GPC6: variants seen among roughly 807,000 people sequenced by gnomAD.
GPC6 encodes glypican-6.
Under a neutral mutation model 55.2 loss-of-function variants are expected in GPC6, and 14 were observed. The observed-to-expected ratio is 0.25, with a 90% CI of 0.17 to 0.40. The LOEUF (loss-of-function observed/expected upper bound fraction) is 0.40. GPC6 is among the 10% of genes least tolerant of loss of function. GPC6 has a pLI of 1.00. For synonymous variants in GPC6, 278 were observed against 259.6 expected (o/e 1.07, Z -0.68); for missense variants, 641 against 708.5 (o/e 0.90, Z 1.08).
At chr13:94,317,851 G>C (rs962422049) in intron 6 of GPC6, among the ~76,000 whole-genome samples, 6 of 152,074 alleles carry the variant, frequency 3.9e-5, no homozygotes, top group Admixed American at 2.6e-4. Flanking sequence ...GTGAGTGTGA[G>C]AGTGTGTGTG....
intron 4 of GPC6, among the ~76,000 whole-genome samples, chr13:94,089,052 T>G (rs1214655727): frequency 1.3e-5 from 2 of 152,126 alleles, no homozygotes; most frequent in Non-Finnish European, 2.9e-5. Context: ...CTTGAGTACT[T>G]AATAAAGGAC....
rs1414023176 is a variant in GPC6 at position 93,788,767 on chromosome 13, T to C, written c.320-41387T>C. On this transcript the variant is annotated intron_variant, in intron 2 of 8. Coordinates refer to ENST00000377047, the MANE Select transcript of GPC6 (RefSeq NM_005708.5). ...ATCCAGAAGGGTTTTGTGTACTGTG[T>C]TAGACAGGCTATATTAAGCCAAGAG... 2.6e-5 allele frequency among the ~76,000 whole-genome samples: 4 copies of C among 152,022 alleles called. No individual in the cohort carries two copies. In the East Asian group the frequency reaches 7.7e-4, roughly 29 times the overall value.
intron 7 of GPC6, among the ~76,000 whole-genome samples, chr13:94,391,027 T>C (rs1880620800): frequency 6.6e-6 from 1 of 152,198 alleles, no homozygotes; most frequent in South Asian, 2.1e-4. Context: ...GCAGGTCTAC[T>C]AAGAAAGAAT....
chr13:93,374,185 C>T (rs1011146253), intron 1 of GPC6, among the ~76,000 whole-genome samples: 6 of 152,090 alleles, frequency 3.9e-5, no homozygotes, highest in Non-Finnish European at 7.4e-5. Context: ...CACACAGAAT[C>T]GGGGACTTCT....
chr13:94,103,528 C>T (rs1271594484), intron 4 of GPC6, among the ~76,000 whole-genome samples: 9 of 152,172 alleles, frequency 5.9e-5, no homozygotes, highest in Non-Finnish European at 1.3e-4. Flanking sequence ...TCCTATTTCT[C>T]CACATCCTCT....
chr13:93,448,295 T>C (rs12431371), intron 1 of GPC6, among the ~76,000 whole-genome samples: 3,961 of 152,300 alleles, frequency 0.026, 184 homozygotes, highest in East Asian at 0.17. Flanking sequence ...TTCAATAGAA[T>C]AACATACTGC....
chr13:94,016,838 CT>C (rs144997234), intron 3 of GPC6, among the ~76,000 whole-genome samples: 181 of 143,488 alleles, frequency 1.3e-3, no homozygotes, highest in Admixed American at 1.2e-3. Context: ...AAACAGTTTT[CT>C]TTTTTTTTTT....
intron 3 of GPC6, among the ~76,000 whole-genome samples, chr13:93,884,135 C>T (rs759337566): frequency 6.6e-6 from 1 of 152,088 alleles, no homozygotes; most frequent in African/African-American, 2.4e-5. Flanking sequence ...GCATCATTCC[C>T]AGTAGGGATC....
At position 94,293,347 on chromosome 13, in the gene GPC6, G is replaced by A. The variant is rs144428587; in HGVS notation, c.1008+6868G>A. 1.1e-4 allele frequency among the ~76,000 whole-genome samples: 16 copies of A among 152,226 alleles called. No individual in the cohort carries two copies. In the East Asian group the frequency reaches 1.4e-3, roughly 13 times the overall value. On this transcript the variant is annotated intron_variant, in intron 5 of 8. Transcript: ENST00000377047. The stretch of plus-strand genomic sequence containing the variant: ...GGGCAGTTTTCCCCATGCTGTTCTC[G>A]TAATAGTGAGTGAGTTTTCACAAGA...
At chr13:93,259,579 T>C (rs1877067387) in intron 1 of GPC6, among the ~76,000 whole-genome samples, 2 of 152,306 alleles carry the variant, frequency 1.3e-5, no homozygotes, top group African/African-American at 4.8e-5. Context: ...ATGAGTCTTT[T>C]GTTTGTTTGC....
At chr13:93,839,086 C>T (rs2138994562) in intron 3 of GPC6, among the ~76,000 whole-genome samples, 1 of 152,242 alleles carries the variant, frequency 6.6e-6, no homozygotes, top group African/African-American at 2.4e-5. Context: ...ATAGCATCAA[C>T]TGTGGCAGAT....
chr13:94,370,824 T>C (rs989461419), intron 6 of GPC6, among the ~76,000 whole-genome samples: 5 of 152,216 alleles, frequency 3.3e-5, no homozygotes, highest in African/African-American at 1.2e-4. Context: ...ACACATTCAG[T>C]ACCTCATGAA....
rs1471480293 is a variant in GPC6, at chr13:93,780,601, A to C, written c.320-49553A>C. Among the ~76,000 whole-genome samples the C allele has an allele frequency of 2.0e-5, 3 of 148,996 alleles. No individual in the cohort carries two copies. The Admixed American group carries it at 2.0e-4, about 10-fold the overall frequency. ...GGTTCACGATCACAAAAATACACAC[A>C]CACACACACACACACACACACACAC... On this transcript the variant is annotated intron_variant, in intron 2 of 8. Transcript: ENST00000377047.
chr13:94,196,506 C>T (rs1397542691), intron 4 of GPC6, among the ~76,000 whole-genome samples: 2 of 152,100 alleles, frequency 1.3e-5, no homozygotes, highest in African/African-American at 2.4e-5. Flanking sequence ...TTTAAGATGC[C>T]GGGTGGTTTC....
intron 3 of GPC6, among the ~76,000 whole-genome samples, chr13:93,939,138 A>G (rs2140361124): frequency 6.6e-6 from 1 of 151,450 alleles, no homozygotes; most frequent in South Asian, 2.1e-4. Flanking sequence ...ATAATATAAA[A>G]TAAACAGAAA....
At chr13:93,931,817 A>G (rs1236583437) in intron 3 of GPC6, among the ~76,000 whole-genome samples, 3 of 151,522 alleles carry the variant, frequency 2.0e-5, no homozygotes, top group Non-Finnish European at 4.4e-5. Flanking sequence ...GTAAGCAGAC[A>G]CAGTGCTCAA....
At chr13:93,760,359 C>A (rs1191586675) in intron 2 of GPC6, among the ~76,000 whole-genome samples, 3 of 152,166 alleles carry the variant, frequency 2.0e-5, no homozygotes, top group Non-Finnish European at 2.9e-5. Context: ...CCTGAGCACA[C>A]CTAGAGACAG....
At chr13:93,741,682 G>T (rs1294983846) in intron 2 of GPC6, among the ~76,000 whole-genome samples, 14 of 152,156 alleles carry the variant, frequency 9.2e-5, no homozygotes, top group Admixed American at 9.2e-4. Context: ...ATCCTCTGTT[G>T]CATAAATAAC....
intron 1 of GPC6, among the ~76,000 whole-genome samples, chr13:93,369,720 T>C (rs928324972): frequency 5.3e-5 from 8 of 152,152 alleles, no homozygotes; most frequent in Non-Finnish European, 1.2e-4. Flanking sequence ...GTTTAAACGT[T>C]TTTTTGTCAC....
Sources: gnomAD v4.1 joint callset for allele counts (sites outside exome capture counted in the v4.1 genomes callset) on GRCh38, gnomAD v4.1.1 for gene constraint, MANE v1.5 for transcripts, NCBI Gene and HGNC (gene_info 2026-07-23, HGNC 2026-07-21) for gene names.